The following GPHN variants were observed in gnomAD, a reference collection of about 807,000 sequenced individuals.
The protein encoded by GPHN is gephyrin.
Under a neutral mutation model 95.5 loss-of-function variants are expected in GPHN, and 17 were observed. The ratio of observed to expected loss-of-function variants is 0.18; its 90% CI spans 0.12 to 0.27. GPHN has a LOEUF of 0.27. Among genes scored for constraint, GPHN ranks in the 10% least tolerant of loss-of-function variants. The probability of loss-of-function intolerance (pLI) is 1.00; values close to 1 mark genes in which losing one functional copy is unlikely to be tolerated. For synonymous variants in GPHN, 320 were observed against 322.5 expected, an observed-to-expected ratio of 0.99 and a Z score of 0.08; for missense variants, 660 against 978.1, an observed-to-expected ratio of 0.67 and a Z score of 4.34.
the GPHN span, among the ~76,000 whole-genome samples, chr14:67,324,635 A>G: frequency 2.6e-5 from 4 of 151,818 alleles, no homozygotes; most frequent in African/African-American, 9.7e-5. Flanking sequence ...CCCAGGCTGG[A>G]GTGTAGTGGC....
rs191402106 is a variant in GPHN at position 66,790,970 on chromosome 14, C to A, written c.201+14449C>A. On this transcript the variant is annotated intron_variant, in intron 3 of 22. Transcript: ENST00000478722. The stretch of plus-strand genomic sequence containing the variant: ...TCCAAAGAGAATAGTAATTAAAATT[C>A]TTTAATGCCAAATACATTTTTAACC... 4.2e-3 allele frequency among the ~76,000 whole-genome samples: 647 copies of A among 152,352 alleles called. 3 individuals carry two copies. The highest frequency in any genetic ancestry group is 7.1e-3 in the Non-Finnish European group (486 of 68,024).
At chr14:67,364,731 C>A in the GPHN span, 1 of 1,577,844 alleles carries the variant, frequency 6.3e-7, no homozygotes, top group Non-Finnish European at 8.6e-7. Context: ...TTCACCTTAA[C>A]TGAATACTTA....
At chr14:66,641,925 A>G (rs1236134592) in intron 1 of GPHN, among the ~76,000 whole-genome samples, 1 of 152,196 alleles carries the variant, frequency 6.6e-6, no homozygotes, top group East Asian at 1.9e-4. Context: ...CAAAGGATCA[A>G]GGATAATCAA....
At chr14:66,967,777 T>A (rs1197033789) in intron 9 of GPHN, among the ~76,000 whole-genome samples, 1 of 151,894 alleles carries the variant, frequency 6.6e-6, no homozygotes, top group African/African-American at 2.4e-5. Flanking sequence ...AATGAAAATG[T>A]TATGGTAGTA....
At chr14:67,233,752 T>C in the GPHN span, among the ~76,000 whole-genome samples, 1 of 152,186 alleles carries the variant, frequency 6.6e-6, no homozygotes, top group Non-Finnish European at 1.5e-5. Flanking sequence ...TGAAGGTAGA[T>C]AAACAGGATT....
intron 1 of GPHN, among the ~76,000 whole-genome samples, chr14:66,649,191 G>A (rs2064911346): frequency 6.6e-6 from 1 of 152,106 alleles, no homozygotes; most frequent in Admixed American, 6.5e-5. Flanking sequence ...GAAATTAGCA[G>A]GGCGTGGTGG....
intron 18 of GPHN, among the ~76,000 whole-genome samples, chr14:67,146,469 A>C (rs1182449780): frequency 6.6e-6 from 1 of 152,250 alleles, no homozygotes; most frequent in African/African-American, 2.4e-5. Context: ...ATTATTAAAT[A>C]ACTCAAAGAC....
At chr14:67,318,830 G>A in the GPHN span, among the ~76,000 whole-genome samples, 2 of 152,108 alleles carry the variant, frequency 1.3e-5, no homozygotes, top group Admixed American at 1.3e-4. Flanking sequence ...GGCCGAGGCA[G>A]GCGGATCACG....
At chr14:67,213,462 A>G in the GPHN span, among the ~76,000 whole-genome samples, 5 of 148,808 alleles carry the variant, frequency 3.4e-5, no homozygotes, top group South Asian at 2.2e-4. Flanking sequence ...ATGATTTCCA[A>G]TTTCATCCAT....
chr14:67,401,639 A>C, the GPHN span, among the ~76,000 whole-genome samples: 1 of 152,226 alleles, frequency 6.6e-6, no homozygotes, highest in East Asian at 1.9e-4. Flanking sequence ...AGGTCTTAGA[A>C]GAAACCAAAC....
chr14:67,388,458 G>T, the GPHN span, among the ~76,000 whole-genome samples: 3 of 152,216 alleles, frequency 2.0e-5, no homozygotes. Context: ...AAAGCTGCAT[G>T]CATCAGTAAG....
chr14:66,513,421 T>G (rs1594778667), intron 1 of GPHN, among the ~76,000 whole-genome samples: 1 of 151,922 alleles, frequency 6.6e-6, no homozygotes, highest in East Asian at 1.9e-4. Flanking sequence ...AATAAGAGTC[T>G]ATTTTTAATC....
At chr14:66,950,004 A>AAAAAAAAAAAAAAAC in intron 8 of GPHN, among the ~76,000 whole-genome samples, 1 of 148,642 alleles carries the variant, frequency 6.7e-6, no homozygotes, top group African/African-American at 2.4e-5. Flanking sequence ...AAAAAAAAAA[A>AAAAAAAAAAAAAAAC]AAAAAAAAAA....
intron 2 of GPHN, among the ~76,000 whole-genome samples, chr14:66,741,222 G>C (rs539344904): frequency 9.9e-5 from 15 of 152,222 alleles, no homozygotes; most frequent in Admixed American, 8.5e-4. Flanking sequence ...AGACGTTCTT[G>C]ATTTGCTTAT....
the GPHN span, among the ~76,000 whole-genome samples, chr14:67,560,001 C>G: frequency 6.6e-6 from 1 of 152,138 alleles, no homozygotes; most frequent in African/African-American, 2.4e-5. Context: ...AGTGTCCACT[C>G]TCTCCACTTT....
chr14:66,891,632 A>T (rs955705367), intron 5 of GPHN, among the ~76,000 whole-genome samples: 1 of 152,170 alleles, frequency 6.6e-6, no homozygotes, highest in Non-Finnish European at 1.5e-5. Flanking sequence ...CAAACAAAAA[A>T]CTAGATAATT....
chr14:67,184,633 A>G (rs1455153932), downstream of GPHN, among the ~76,000 whole-genome samples: 1 of 152,184 alleles, frequency 6.6e-6, no homozygotes, highest in Admixed American at 6.5e-5. Context: ...AAGGAAAAAA[A>G]TGAGTTTTAT....
At chr14:66,673,685 T>G (rs1457433298) in intron 1 of GPHN, among the ~76,000 whole-genome samples, 1 of 152,244 alleles carries the variant, frequency 6.6e-6, no homozygotes, top group Non-Finnish European at 1.5e-5. Context: ...ATTTCTTCTC[T>G]AACGCACTTT....
the GPHN span, among the ~76,000 whole-genome samples, chr14:67,605,892 A>G: frequency 6.6e-6 from 1 of 151,946 alleles, no homozygotes; most frequent in South Asian, 2.1e-4. Context: ...CATGTTGCCC[A>G]GGCCGGTCTC....
Sources: allele counts gnomAD v4.1 joint callset (sites outside exome capture counted in the v4.1 genomes callset), GRCh38; gene constraint gnomAD v4.1.1; transcripts MANE v1.5; gene names NCBI Gene and HGNC (gene_info 2026-07-23, HGNC 2026-07-21).